The following CSMD1 variants were observed in gnomAD, a reference collection of about 807,000 sequenced individuals.
CSMD1 encodes CUB and sushi domain-containing protein 1.
Under a neutral mutation model 417.5 loss-of-function variants are expected in CSMD1, and 213 were observed. The ratio of observed to expected loss-of-function variants is 0.51; its 90% CI spans 0.46 to 0.57. The LOEUF (loss-of-function observed/expected upper bound fraction) is 0.57. Among genes scored for constraint, CSMD1 ranks in the 20% least tolerant of loss-of-function variants. The pLI is 0.00. For synonymous variants in CSMD1, 2,862 were observed against 1,736.8 expected, an observed-to-expected ratio of 1.65 and a Z score of -16.11; for missense variants, 6,923 against 4,529.7, an observed-to-expected ratio of 1.53 and a Z score of -15.17.
intron 52 of CSMD1, among the ~76,000 whole-genome samples, chr8:3,010,060 G>A (rs953716385): frequency 6.6e-6 from 1 of 152,128 alleles, no homozygotes; most frequent in Admixed American, 6.5e-5. Context: ...AGCTTTGTCT[G>A]CAGTCTTGCC....
intron 10 of CSMD1, among the ~76,000 whole-genome samples, chr8:3,505,673 C>A (rs1044873796): frequency 3.3e-5 from 5 of 152,200 alleles, no homozygotes; most frequent in South Asian, 4.1e-4. Context: ...GGTAGCATAA[C>A]AAAACCGTAG....
chr8:4,086,880 G>T (rs887169223), intron 3 of CSMD1, among the ~76,000 whole-genome samples: 2 of 152,186 alleles, frequency 1.3e-5, no homozygotes, highest in Non-Finnish European at 2.9e-5. Flanking sequence ...AGAGTAAACT[G>T]CAAGTAAATG....
chr8:3,025,419 G>T (rs1809795608), intron 51 of CSMD1, among the ~76,000 whole-genome samples: 1 of 151,868 alleles, frequency 6.6e-6, no homozygotes, highest in Admixed American at 6.6e-5. Context: ...TGTATTGTGT[G>T]GTGTTATTCT....
chr8:2,963,956 C>G (rs575228848), intron 59 of CSMD1, among the ~76,000 whole-genome samples: 30 of 152,310 alleles, frequency 2.0e-4, no homozygotes, highest in Middle Eastern at 3.4e-3. Context: ...CTGATGTCCA[C>G]TTTATGGGGC....
At chr8:4,123,886 G>C (rs371549555) in intron 3 of CSMD1, among the ~76,000 whole-genome samples, 1 of 152,096 alleles carries the variant, frequency 6.6e-6, no homozygotes, top group African/African-American at 2.4e-5. Context: ...GGTTGTATGT[G>C]ATTCCTGAAA....
At chr8:4,126,025 G>A (rs916811349) in intron 3 of CSMD1, among the ~76,000 whole-genome samples, 1 of 152,086 alleles carries the variant, frequency 6.6e-6, no homozygotes, top group Non-Finnish European at 1.5e-5. Flanking sequence ...CCATGGATCA[G>A]CTGATACCAC....
chr8:3,613,673 GA>G (rs1406124108), intron 8 of CSMD1, among the ~76,000 whole-genome samples: 6 of 147,616 alleles, frequency 4.1e-5, no homozygotes, highest in African/African-American at 1.5e-4. Flanking sequence ...AGAAACTTTT[GA>G]AAAAATTCCA....
chr8:4,983,257 A>G (rs1416717910), intron 1 of CSMD1, among the ~76,000 whole-genome samples: 2 of 152,210 alleles, frequency 1.3e-5, no homozygotes, highest in Admixed American at 1.3e-4. Context: ...ATCTTTACCA[A>G]CACCTTCCCT....
intron 3 of CSMD1, among the ~76,000 whole-genome samples, chr8:4,078,768 G>C (rs1023438746): frequency 6.7e-6 from 1 of 150,224 alleles, no homozygotes; most frequent in Non-Finnish European, 1.5e-5. Flanking sequence ...TGGCACACTG[G>C]CTTACACCTG....
chr8:3,560,788 C>G lies in CSMD1; in HGVS notation c.1344+14157G>C, dbSNP rs541636912. Among the ~76,000 whole-genome samples the G allele has an allele frequency of 3.9e-5, 6 of 152,148 alleles. No homozygotes were observed. In the South Asian group the frequency reaches 8.3e-4, roughly 21 times the overall value. ...TGGCTATATATCTCCTTGATTTGAC[C>G]CTATCGAGCTAGAGAAAGCAATTTC... On this transcript the variant is annotated intron_variant, in intron 10 of 69. Transcript: ENST00000635120.
intron 3 of CSMD1, among the ~76,000 whole-genome samples, chr8:4,211,445 T>G (rs1177045922): frequency 6.6e-6 from 1 of 152,260 alleles, no homozygotes; most frequent in Non-Finnish European, 1.5e-5. Flanking sequence ...TATAGCAGTT[T>G]ACGCATGACA....
At chr8:4,274,959 A>G (rs1321940233) in intron 3 of CSMD1, among the ~76,000 whole-genome samples, 2 of 152,206 alleles carry the variant, frequency 1.3e-5, no homozygotes, top group East Asian at 3.8e-4. Context: ...ATCAACAAAC[A>G]TGCTTGTAGC....
rs1796407459 is a variant in CSMD1 at position 3,497,300 on chromosome 8, T to C, written c.1345-3574A>G. On this transcript the variant is annotated intron_variant, in intron 10 of 69. Coordinates refer to ENST00000635120, the MANE Select transcript of CSMD1 (RefSeq NM_033225.6). ...AGTCTATCTCTCCCATCAATAATGT[T>C]TGCTTTATATATCTGGGGTCTCTGG... is the stretch of plus-strand genomic sequence containing the variant. Among the ~76,000 whole-genome samples, 3 of 152,204 alleles carry C rather than the reference T, an allele frequency of 2.0e-5. No homozygotes were observed. In the South Asian group the frequency reaches 6.2e-4, roughly 32 times the overall value.
intron 3 of CSMD1, among the ~76,000 whole-genome samples, chr8:4,081,609 A>G (rs1421117981): frequency 6.6e-6 from 1 of 152,142 alleles, no homozygotes; most frequent in Non-Finnish European, 1.5e-5. Flanking sequence ...AGAATACATA[A>G]ATTTTTTGAA....
chr8:4,876,671 C>T (rs1803060197), intron 1 of CSMD1, among the ~76,000 whole-genome samples: 1 of 151,994 alleles, frequency 6.6e-6, no homozygotes, highest in Non-Finnish European at 1.5e-5. Flanking sequence ...GTTTTAAGTG[C>T]CGTTAGGTGC....
chr8:4,788,077 T>G, intron 1 of CSMD1: 2 of 1,600,154 alleles, frequency 1.2e-6, no homozygotes, highest in Non-Finnish European at 1.7e-6. Flanking sequence ...GCAGAGAAAG[T>G]AGAGTTGCTT....
Position 3,217,542 on chromosome 8 carries a change from G to T in CSMD1, c.4672+1713C>A, listed in dbSNP as rs550021290. ...TTGCCTGCATGATTTTGTTGGGGGC[G>T]TGGGGGGCTATCATAGAATAAGTAC... On this transcript the variant is annotated intron_variant, in intron 29 of 69. Transcript: ENST00000635120. Among the ~76,000 whole-genome samples, 4 of 152,162 alleles carry T rather than the reference G, an allele frequency of 2.6e-5. No individual in the cohort carries two copies. In the South Asian group the frequency reaches 6.2e-4, roughly 24 times the overall value.
chr8:4,129,288 C>G (rs939009587), intron 3 of CSMD1, among the ~76,000 whole-genome samples: 8 of 152,074 alleles, frequency 5.3e-5, no homozygotes, highest in African/African-American at 1.7e-4. Flanking sequence ...ACAAAACTAG[C>G]ACAGTCATTA....
intron 52 of CSMD1, among the ~76,000 whole-genome samples, chr8:3,009,878 T>A (rs1808249278): frequency 6.6e-6 from 1 of 152,242 alleles, no homozygotes; most frequent in Non-Finnish European, 1.5e-5. Context: ...TCTTAGTGAA[T>A]GACAGCTTTT....
Sources: allele counts gnomAD v4.1 joint callset (sites outside exome capture counted in the v4.1 genomes callset), GRCh38; gene constraint gnomAD v4.1.1; transcripts MANE v1.5; gene names NCBI Gene and HGNC (gene_info 2026-07-23, HGNC 2026-07-21).